Variants in TMX3 observed in about 807,000 individuals in gnomAD.
The protein encoded by TMX3 is thioredoxin related transmembrane protein 3, also known as protein disulfide-isomerase TMX3.
In TMX3, 40 loss-of-function variants were observed where a neutral mutation model predicts 64.4. That is an observed-to-expected ratio of 0.62 (90% CI 0.48 to 0.81). TMX3 has a LOEUF of 0.81. Ranked by LOEUF, TMX3 falls within the 30% of genes least tolerant of loss-of-function variation. The pLI, the probability that TMX3 is intolerant of heterozygous loss-of-function variation, is 0.00. For synonymous variants in TMX3, 189 were observed against 175.7 expected (o/e 1.08, Z -0.60); for missense variants, 497 against 534.5 (o/e 0.93, Z 0.69).
At position 68,676,924 on chromosome 18, in the gene TMX3, C is replaced by T; in HGVS notation, c.*9G>A. 6.2e-7 allele frequency: 1 copy of T among 1,608,688 alleles called. No individual in the cohort carries two copies. ...GAAGTCCTAACAAATATTTTATAGTCATCAAGTCTCAATCTTTCTTCTTTT... is the reference window on the plus strand; with the variant it reads ...GAAGTCCTAACAAATATTTTATAGTTATCAAGTCTCAATCTTTCTTCTTTT... On this transcript the variant is annotated 3_prime_UTR_variant, in exon 16 of 16. Transcript: ENST00000299608.
At chr18:68,688,137 G>A (rs1322919104) in intron 9 of TMX3, among the ~76,000 whole-genome samples, 5 of 152,066 alleles carry the variant, frequency 3.3e-5, no homozygotes, top group African/African-American at 7.2e-5. Context: ...ATACATAACA[G>A]CATAACTGTA....
At chr18:68,693,683 T>A (rs1229132653) in intron 8 of TMX3, among the ~76,000 whole-genome samples, 1 of 152,024 alleles carries the variant, frequency 6.6e-6, no homozygotes, top group Non-Finnish European at 1.5e-5. Context: ...ACAGCCTGGG[T>A]GCCATAGACG....
intron 15 of TMX3, among the ~76,000 whole-genome samples, chr18:68,677,841 A>G (rs185746812): frequency 2.0e-5 from 3 of 152,272 alleles, no homozygotes; most frequent in African/African-American, 7.2e-5. Flanking sequence ...ATAATAAAAG[A>G]AAGTTTCACA....
chr18:68,682,899 G>A, intron 13 of TMX3, 26 bp downstream of exon 13: 5 of 1,574,818 alleles, frequency 3.2e-6, no homozygotes, highest in Admixed American at 1.8e-5. Flanking sequence ...AGATTTGACA[G>A]CAAAATCATT....
rs1568176685 is a variant in TMX3 at position 68,677,041 on chromosome 18, G to A, written c.1257C>T (p.Asn419=). The A allele has an allele frequency of 6.2e-7, 1 of 1,613,528 alleles. No homozygotes were observed. The highest frequency in any genetic ancestry group is 2.2e-5 in the East Asian group (1 of 44,878). Residue 419 remains asparagine (N), a synonymous_variant, in exon 16 of 16, where the codon AAC becomes AAT. Transcript: ENST00000299608. ...RYEVSKSENE[N]QEQIEESKEQ... is the part of the protein sequence containing the mutation. ...CTTTGCTCTCTTCTATCTGTTCTTG[G>A]TTTTCATTTTCACTTTTAGACACTT...
chr18:68,715,065 G>C lies in TMX3; in HGVS notation c.-84C>G, dbSNP rs1178910079. 3 of 1,546,236 alleles carry C rather than the reference G, an allele frequency of 1.9e-6. No homozygotes were observed. The highest frequency in any genetic ancestry group is 1.7e-4 in the Middle Eastern group (1 of 5,930). On this transcript the variant is annotated 5_prime_UTR_variant, in exon 1 of 16. Transcript: ENST00000299608. ...TCCGCCGCCTGCCCGCCCGGAAAGG[G>C]AAACGGAGCCGACCCGGAGCGGAAG...
At chr18:68,713,743 T>G in intron 2 of TMX3, 103 bp downstream of exon 2, 2 of 543,110 alleles carry the variant, frequency 3.7e-6, no homozygotes, top group East Asian at 7.2e-5. Flanking sequence ...GAGTGATATA[T>G]AAAAATTGGT....
chr18:68,682,706 TAA>T (rs1177063167), intron 13 of TMX3, among the ~76,000 whole-genome samples: 5 of 143,676 alleles, frequency 3.5e-5, no homozygotes, highest in African/African-American at 1.5e-4. Context: ...AATCAGGAGA[TAA>T]TTTTTTTTTT....
chr18:68,679,468 T>C lies in TMX3; in HGVS notation c.1099A>G (p.Ile367Val), dbSNP rs779785936. 2.2e-5 allele frequency: 36 copies of C among 1,611,560 alleles called. No homozygotes were observed. The South Asian group carries it at 3.6e-4, about 16-fold the overall frequency. ...CATAAACTGTCACAACTTACCACAA[T>C]AGTAGATTTGGCATCAAATACTATT... The part of the protein sequence containing the change: ...KRIVFDAKST[I>V]VSIFKSSPLM... The change falls in exon 15 of 16, where the codon ATT becomes GTT. Residue 367 changes from isoleucine (I) to valine (V), a missense_variant. By Grantham distance (29) the Ile-to-Val change is conservative (BLOSUM62 3). Transcript: ENST00000299608.
At chr18:68,686,833 C>T (rs1164240333) in intron 10 of TMX3, 2 of 985,180 alleles carry the variant, frequency 2.0e-6, no homozygotes, top group Non-Finnish European at 2.4e-6. Context: ...AGACACAGAA[C>T]ATTAAAAGCA....
intron 9 of TMX3, chr18:68,688,462 T>C (rs1914183325): frequency 6.6e-6 from 1 of 152,176 alleles, no homozygotes; most frequent in Non-Finnish European, 1.5e-5. Flanking sequence ...AGAAATGTAA[T>C]TCTCAAGTAA....
intron 9 of TMX3, chr18:68,688,440 T>G (rs940026865): frequency 6.6e-6 from 1 of 152,190 alleles, no homozygotes; most frequent in Non-Finnish European, 1.5e-5. Flanking sequence ...AGAGAAATAT[T>G]ACATCCTAAT....
chr18:68,684,504 C>T lies in TMX3; in HGVS notation c.737-19G>A, dbSNP rs1261405142. 3 of 1,606,912 alleles carry T rather than the reference C, an allele frequency of 1.9e-6. No individual in the cohort carries two copies. Among genetic ancestry groups the T allele is most frequent in the Non-Finnish European group, 1.7e-6 (2 of 1,175,626 alleles). ...AGCTTTCCTGAAATAAAGAATGACA[C>T]ATCTGAATTCAATCACCCTTATTAC... is the stretch of plus-strand genomic sequence containing the variant. On this transcript the variant is annotated intron_variant, in intron 10 of 15. Transcript: ENST00000299608.
intron 2 of TMX3, 46 bp from the exon 3 acceptor site, chr18:68,711,449 T>A: frequency 7.2e-7 from 1 of 1,396,200 alleles, no homozygotes; most frequent in Non-Finnish European, 1.0e-6. Flanking sequence ...TTGTGTCCAC[T>A]TTACAACTGT....
At position 68,676,357 on chromosome 18, in the gene TMX3, A is replaced by T. The variant is rs1363126253; in HGVS notation, c.*576T>A. The T allele has an allele frequency of 6.6e-6, 1 of 152,274 alleles. No individual in the cohort carries two copies. The highest frequency in any genetic ancestry group is 1.5e-5 in the Non-Finnish European group (1 of 68,088). The allele number at this position is 152,274 out of a possible 1,614,324, so 9.4% of individuals were successfully genotyped here. On this transcript the variant is annotated 3_prime_UTR_variant, in exon 16 of 16. Transcript: ENST00000299608. ...TGATAATGCAACTGAGTATAAAGTT[A>T]AAAAGTAACATTTCTTCTCCTTTAA...
At position 68,673,761 on chromosome 18, in the gene TMX3, T is replaced by C. The variant is rs1260691329; in HGVS notation, c.*3172A>G. On this transcript the variant is annotated 3_prime_UTR_variant, in exon 16 of 16. Transcript: ENST00000299608. Reference sequence around the variant, plus strand: ...TGTGCCATAGGCAGAATATCATGAATTCAACAAGTTAGTAATGCAGACTTT... The same window carrying C: ...TGTGCCATAGGCAGAATATCATGAACTCAACAAGTTAGTAATGCAGACTTT... 6.6e-6 allele frequency: 1 copy of C among 152,196 alleles called. No individual in the cohort carries two copies. The highest frequency in any genetic ancestry group is 2.4e-5 in the African/African-American group (1 of 41,462). 9.4% of individuals were successfully genotyped at this position (152,196 alleles called of 1,614,324 possible). A position where few individuals can be genotyped will look rare whatever the true frequency, so the allele number is the denominator to read the frequency against.
intron 5 of TMX3, chr18:68,701,179 T>A (rs2030023439): frequency 4.4e-6 from 1 of 226,540 alleles, no homozygotes; most frequent in South Asian, 1.6e-4. Context: ...ATATATAAAT[T>A]GAAATTACTC....
At chr18:68,682,706 TA>T (rs199800764) in intron 13 of TMX3, among the ~76,000 whole-genome samples, 1,651 of 143,666 alleles carry the variant, frequency 0.011, 11 homozygotes, top group African/African-American at 0.021. Flanking sequence ...AATCAGGAGA[TA>T]ATTTTTTTTT....
intron 8 of TMX3, among the ~76,000 whole-genome samples, chr18:68,694,279 T>C (rs309223): frequency 0.26 from 39,860 of 152,112 alleles, 8,988 homozygotes; most frequent in African/African-American, 0.61. Context: ...CACACTGTAA[T>C]ACCCTCTTCA....
Sources: allele counts gnomAD v4.1 joint callset (sites outside exome capture counted in the v4.1 genomes callset), GRCh38; gene constraint gnomAD v4.1.1; transcripts MANE v1.5; gene names NCBI Gene and HGNC (gene_info 2026-07-23, HGNC 2026-07-21).